The following MYLK variants were observed in gnomAD, a reference collection of about 807,000 sequenced individuals.
The protein encoded by MYLK is myosin light chain kinase, also known as myosin light chain kinase, smooth muscle.
MYLK carries 106 observed loss-of-function variants against 203.4 expected under a neutral mutation model. The ratio of observed to expected loss-of-function variants is 0.52; its 90% CI spans 0.45 to 0.61. The LOEUF is 0.61. Among genes scored for constraint, MYLK ranks in the 20% least tolerant of loss-of-function variants. The pLI is 0.00. For synonymous variants in MYLK, 867 were observed against 959.5 expected (o/e 0.90, Z 1.78); for missense variants, 2,072 against 2,442.3 (o/e 0.85, Z 3.20).
chr3:123,626,194 C>T (rs1441151939), intron 31 of MYLK, among the ~76,000 whole-genome samples: 1 of 152,202 alleles, frequency 6.6e-6, no homozygotes, highest in Admixed American at 6.5e-5. Flanking sequence ...CTTCTGGACA[C>T]TCACCATGTG....
intron 15 of MYLK, 92 bp downstream of exon 15, chr3:123,708,606 G>A (rs1454486287): frequency 2.0e-5 from 30 of 1,466,870 alleles, no homozygotes; most frequent in Non-Finnish European, 2.6e-5. Flanking sequence ...TGGGAACAAA[G>A]TAGCCTCATG....
intron 4 of MYLK, among the ~76,000 whole-genome samples, chr3:123,791,985 A>T (rs1246133200): frequency 6.6e-6 from 1 of 152,238 alleles, no homozygotes; most frequent in Non-Finnish European, 1.5e-5. Flanking sequence ...CTTTTCTCAG[A>T]GAAGGAAACC....
chr3:123,698,608 G>A (rs1000302921), intron 18 of MYLK, among the ~76,000 whole-genome samples: 4 of 152,122 alleles, frequency 2.6e-5, no homozygotes, highest in Non-Finnish European at 4.4e-5. Context: ...CAGAGGTGGG[G>A]GATGGAGGAG....
intron 2 of MYLK, among the ~76,000 whole-genome samples, chr3:123,836,368 A>G (rs1488264251): frequency 6.6e-6 from 1 of 152,246 alleles, no homozygotes; most frequent in Non-Finnish European, 1.5e-5. Flanking sequence ...TTCTAGAGAT[A>G]TGTTTTGAAA....
rs200291268 is a variant in MYLK at position 123,638,091 on chromosome 3, G to A, written c.4941C>T (p.Ile1647=). 87 of 1,614,094 alleles carry A rather than the reference G, an allele frequency of 5.4e-5. No individual in the cohort carries two copies. Among genetic ancestry groups the A allele is most frequent in the Middle Eastern group, 5.0e-4 (3 of 5,986 alleles). ...PIGYATDMWS[I]GVICYILVSG... ...CTCACAGGATGTAGCAGATGACCCC[G>A]ATGCTCCACATGTCTGTGGCGTAGC... Residue 1647 remains isoleucine, a synonymous_variant, in exon 29 of 34, where the codon ATC becomes ATT. Coordinates refer to ENST00000360304, the MANE Select transcript of MYLK (RefSeq NM_053025.4).
chr3:123,802,897 G>T (rs2065243312), intron 3 of MYLK, among the ~76,000 whole-genome samples: 1 of 152,132 alleles, frequency 6.6e-6, no homozygotes, highest in Non-Finnish European at 1.5e-5. Context: ...TAAGTTTGGG[G>T]TATCAAGTAT....
chr3:123,682,380 A>G (rs1288075141), intron 19 of MYLK, 70 bp from the exon 20 acceptor site: 54 of 1,250,762 alleles, frequency 4.3e-5, no homozygotes, highest in Non-Finnish European at 4.3e-5. Context: ...TCTCTCAGTC[A>G]AAATCCCACC....
At chr3:123,799,103 G>C (rs1190898776) in intron 3 of MYLK, among the ~76,000 whole-genome samples, 1 of 152,142 alleles carries the variant, frequency 6.6e-6, no homozygotes, top group African/African-American at 2.4e-5. Flanking sequence ...GGGAAACACA[G>C]AGAAGTAAGA....
At chr3:123,679,305 C>CAA (rs58401553) in intron 20 of MYLK, among the ~76,000 whole-genome samples, 3,606 of 76,732 alleles carry the variant, frequency 0.047, 259 homozygotes, top group East Asian at 0.41. Flanking sequence ...GACTCTGTCT[C>CAA]AAAAAAAAAA....
At chr3:123,814,013 C>A (rs1004642815) in intron 3 of MYLK, 5 of 177,932 alleles carry the variant, frequency 2.8e-5, no homozygotes, top group Admixed American at 1.8e-4. Context: ...CCACCTCTAC[C>A]CTAATCACTC....
At chr3:123,636,310 C>T (rs1434215505) in intron 29 of MYLK, among the ~76,000 whole-genome samples, 2 of 152,258 alleles carry the variant, frequency 1.3e-5, no homozygotes, top group Non-Finnish European at 2.9e-5. Context: ...GCCCCTGTCA[C>T]CTCAACGCCA....
chr3:123,735,115 T>C, intron 9 of MYLK: 1 of 461,618 alleles, frequency 2.2e-6, no homozygotes, highest in Non-Finnish European at 4.1e-6. Flanking sequence ...CTCAGAGCAG[T>C]GTTCTTCCTC....
rs139578383 is a variant in MYLK at position 123,659,742 on chromosome 3, C to T, written c.3986-2314G>A. 115 of 514,148 alleles carry T rather than the reference C, an allele frequency of 2.2e-4. 1 individual carries two copies. The highest frequency in any genetic ancestry group is 1.4e-3 in the Middle Eastern group (4 of 2,918). 31.8% of individuals were successfully genotyped at this position (514,148 alleles called of 1,614,324 possible). ...GGAGCTCCTGTGAGCTTGTCCTCCACGGCGACACACTCAGACTGGGAGGGA... is the reference window on the plus strand; with the variant it reads ...GGAGCTCCTGTGAGCTTGTCCTCCATGGCGACACACTCAGACTGGGAGGGA... On this transcript the variant is annotated intron_variant, in intron 23 of 33. Transcript: ENST00000360304.
chr3:123,784,376 CTTTTTTTTTTT>C (rs576849217), intron 4 of MYLK, among the ~76,000 whole-genome samples: 6 of 78,664 alleles, frequency 7.6e-5, no homozygotes, highest in Admixed American at 1.5e-4. Context: ...GGTTGACTTT[CTTTTTTTTTTT>C]TTTTTTTTTT....
intron 24 of MYLK, among the ~76,000 whole-genome samples, chr3:123,654,967 T>G (rs1329342261): frequency 6.6e-6 from 1 of 152,036 alleles, no homozygotes; most frequent in Non-Finnish European, 1.5e-5. Flanking sequence ...ATCCACCCGC[T>G]TCAGCCTCCC....
At chr3:123,775,012 C>A (rs1446690513) in intron 4 of MYLK, among the ~76,000 whole-genome samples, 2 of 151,928 alleles carry the variant, frequency 1.3e-5, no homozygotes, top group African/African-American at 4.8e-5. Flanking sequence ...ATGGAAAAGA[C>A]AGATTCAACA....
chr3:123,680,017 T>G (rs995424352), intron 20 of MYLK, among the ~76,000 whole-genome samples: 1 of 152,098 alleles, frequency 6.6e-6, no homozygotes, highest in East Asian at 1.9e-4. Flanking sequence ...TACTGAGGCC[T>G]GGCACCCACC....
At chr3:123,790,141 T>C (rs2064717980) in intron 4 of MYLK, among the ~76,000 whole-genome samples, 2 of 152,174 alleles carry the variant, frequency 1.3e-5, no homozygotes, top group Non-Finnish European at 2.9e-5. Context: ...TGCAGGCTTG[T>C]TGCCTCATGG....
intron 2 of MYLK, among the ~76,000 whole-genome samples, chr3:123,855,680 T>C (rs1469519559): frequency 1.3e-5 from 2 of 151,982 alleles, no homozygotes; most frequent in Non-Finnish European, 2.9e-5. Flanking sequence ...AAAAACAAAA[T>C]TAAAATTTTT....
Sources: allele counts gnomAD v4.1 joint callset (sites outside exome capture counted in the v4.1 genomes callset), GRCh38; gene constraint gnomAD v4.1.1; transcripts MANE v1.5; gene names NCBI Gene and HGNC (gene_info 2026-07-23, HGNC 2026-07-21).